The following LRRC52 variants were observed in gnomAD, a reference collection of about 807,000 sequenced individuals.
The protein encoded by LRRC52 is leucine-rich repeat-containing protein 52.
In LRRC52, 15 loss-of-function variants were observed where a neutral mutation model predicts 14.7. That is an observed-to-expected ratio of 1.02 (90% CI 0.68 to 1.58). The LOEUF (loss-of-function observed/expected upper bound fraction) is 1.58. Among genes scored for constraint, LRRC52 ranks in the 40% most tolerant of loss-of-function variants. The pLI is 0.00. For synonymous variants in LRRC52, 180 were observed against 163.9 expected, an observed-to-expected ratio of 1.10 and a Z score of -0.75; for missense variants, 400 against 387.7, an observed-to-expected ratio of 1.03 and a Z score of -0.27.
At chr1:165,547,469 A>G (rs1661046448) in intron 1 of LRRC52, among the ~76,000 whole-genome samples, 1 of 152,152 alleles carries the variant, frequency 6.6e-6, no homozygotes, top group African/African-American at 2.4e-5. Context: ...TTGCAAACCC[A>G]GGTTTCACCC....
chr1:165,561,711 G>T (rs772581888), intron 1 of LRRC52, among the ~76,000 whole-genome samples: 2 of 152,190 alleles, frequency 1.3e-5, no homozygotes, highest in Non-Finnish European at 2.9e-5. Flanking sequence ...GACACAGTTC[G>T]TGCACTGGCT....
chr1:165,562,239 A>G (rs901791710), intron 1 of LRRC52, among the ~76,000 whole-genome samples: 2 of 152,234 alleles, frequency 1.3e-5, no homozygotes, highest in African/African-American at 4.8e-5. Flanking sequence ...TATTATGTGC[A>G]TCAAGGTTAT....
chr1:165,544,610 A>C lies in LRRC52; in HGVS notation c.314A>C (p.Tyr105Ser), dbSNP rs756599761. 1 of 1,613,044 alleles carries C rather than the reference A, an allele frequency of 6.2e-7. No individual in the cohort carries two copies. Among genetic ancestry groups the C allele is most frequent in the Non-Finnish European group, 8.5e-7 (1 of 1,179,850 alleles). The change falls in exon 1 of 2, where the codon TAC becomes TCC. Residue 105 changes from tyrosine (Y) to serine (S), a missense_variant. Coordinates refer to ENST00000294818, the MANE Select transcript of LRRC52 (RefSeq NM_001005214.4). The stretch of plus-strand genomic sequence containing the variant: ...TTCATCGGGGTCTTCAAACTCATCT[A>C]CCTTGACCTCAGCTCCAACAACCTA... ...YTFIGVFKLI[Y>S]LDLSSNNLTS...
In LRRC52 at chr1:165,559,449, G is replaced by A. The variant is rs12084157; in HGVS notation, c.623-4056G>A. ...ACTATATGGAGCAGACCAATGCACA[G>A]TAAAAACTGGTAATTTTAAATAATT... On this transcript the variant is annotated intron_variant, in intron 1 of 1. Coordinates refer to ENST00000294818, the MANE Select transcript of LRRC52 (RefSeq NM_001005214.4). 2.2e-3 allele frequency among the ~76,000 whole-genome samples: 333 copies of A among 152,186 alleles called. 10 individuals carry two copies. The East Asian group carries it at 0.054, about 25-fold the overall frequency.
chr1:165,554,918 C>T (rs1465647189), intron 1 of LRRC52, among the ~76,000 whole-genome samples: 1 of 152,224 alleles, frequency 6.6e-6, no homozygotes, highest in East Asian at 1.9e-4. Context: ...CAGCATTTGG[C>T]TGAGATGAGG....
rs188955751 is a variant in LRRC52, at chr1:165,553,812, T to A, written c.622+8894T>A. On this transcript the variant is annotated intron_variant, in intron 1 of 1. Transcript: ENST00000294818. ...GGACAAATACAATTGAGGGGCCCAA[T>A]TGGTGCCTGTATTTCTCTTTCAGTG... is the stretch of plus-strand genomic sequence containing the variant. 3.7e-3 allele frequency among the ~76,000 whole-genome samples: 567 copies of A among 152,276 alleles called. 1 individual carries two copies. Among genetic ancestry groups the A allele is most frequent in the Middle Eastern group, 6.8e-3 (2 of 294 alleles).
chr1:165,557,556 G>C (rs169557), intron 1 of LRRC52, among the ~76,000 whole-genome samples: 114,865 of 152,134 alleles, frequency 0.76, 43,616 homozygotes, highest in East Asian at 0.87. Context: ...AAATTCTTAT[G>C]CTCATAGTAT....
chr1:165,556,587 C>T (rs1661239513), intron 1 of LRRC52, among the ~76,000 whole-genome samples: 1 of 152,186 alleles, frequency 6.6e-6, no homozygotes, highest in African/African-American at 2.4e-5. Flanking sequence ...GTGAAGGCAG[C>T]ATTAGAAAAT....
At chr1:165,553,268 C>G (rs774459462) in intron 1 of LRRC52, among the ~76,000 whole-genome samples, 37 of 152,148 alleles carry the variant, frequency 2.4e-4, no homozygotes, top group Admixed American at 2.1e-3. Context: ...GAAATTAGAA[C>G]AGGATAAATT....
chr1:165,550,847 C>T (rs1037628744), intron 1 of LRRC52, among the ~76,000 whole-genome samples: 2 of 152,106 alleles, frequency 1.3e-5, no homozygotes, highest in African/African-American at 4.8e-5. Flanking sequence ...GTCTTGATCC[C>T]AGAAATGCCA....
chr1:165,544,268 T>C lies in LRRC52; in HGVS notation c.-29T>C. ...TCAGAGGACAGAGCCCGCAGGAAGG[T>C]GAAAGGAGGGTGGTTGTGGCTTCTT... On this transcript the variant is annotated 5_prime_UTR_variant, in exon 1 of 2. Coordinates refer to ENST00000294818, the MANE Select transcript of LRRC52 (RefSeq NM_001005214.4). 1.6e-6 allele frequency: 2 copies of C among 1,228,992 alleles called. No individual in the cohort carries two copies. Among genetic ancestry groups the C allele is most frequent in the Non-Finnish European group, 2.1e-6 (2 of 956,160 alleles). The allele number at this position is 1,228,992 out of a possible 1,614,324, so 76.1% of individuals were successfully genotyped here.
At position 165,547,108 on chromosome 1, in the gene LRRC52, T is replaced by A. The variant is rs74120739; in HGVS notation, c.622+2190T>A. Among the ~76,000 whole-genome samples the A allele has an allele frequency of 6.5e-3, 984 of 152,046 alleles. 2 individuals are homozygous for A. The highest frequency in any genetic ancestry group is 0.022 in the African/African-American group (920 of 41,468). On this transcript the variant is annotated intron_variant, in intron 1 of 1. Coordinates refer to ENST00000294818, the MANE Select transcript of LRRC52 (RefSeq NM_001005214.4). ...CTTGTGCCCTCAGCCTGTGGAAGAG[T>A]CTAGGATTGGTATTTTTAACCCTAT...
At chr1:165,561,639 C>T (rs1329787078) in intron 1 of LRRC52, among the ~76,000 whole-genome samples, 1 of 152,270 alleles carries the variant, frequency 6.6e-6, no homozygotes, top group African/African-American at 2.4e-5. Flanking sequence ...CACCATCCCA[C>T]ACTGTCTAGA....
chr1:165,563,230 G>C (rs964687142), intron 1 of LRRC52, among the ~76,000 whole-genome samples: 4 of 152,136 alleles, frequency 2.6e-5, no homozygotes, highest in African/African-American at 9.7e-5. Flanking sequence ...CAAAGCCTGG[G>C]GACAAGGAAC....
intron 1 of LRRC52, among the ~76,000 whole-genome samples, chr1:165,561,791 A>G (rs563840221): frequency 6.6e-6 from 1 of 152,348 alleles, no homozygotes; most frequent in Admixed American, 6.5e-5. Flanking sequence ...CCTGAACAAA[A>G]CAAAATGACT....
rs74120737 is a variant in LRRC52, at chr1:165,546,514, T to C, written c.622+1596T>C. Among the ~76,000 whole-genome samples, 981 of 152,300 alleles carry C rather than the reference T, an allele frequency of 6.4e-3. 3 individuals carry two copies. The highest frequency in any genetic ancestry group is 0.022 in the African/African-American group (917 of 41,568). ...AGAGGTTCAATATTAATCATCCTCA[T>C]GCATGACCTGTGGTCCATAAAGGGG... On this transcript the variant is annotated intron_variant, in intron 1 of 1. Coordinates refer to ENST00000294818, the MANE Select transcript of LRRC52 (RefSeq NM_001005214.4).
intron 1 of LRRC52, among the ~76,000 whole-genome samples, chr1:165,557,975 G>A (rs1411928250): frequency 6.6e-6 from 1 of 152,190 alleles, no homozygotes; most frequent in Non-Finnish European, 1.5e-5. Flanking sequence ...CTGGGAACCT[G>A]CAGCACAGCC....
In LRRC52 at chr1:165,544,257, C is replaced by A; in HGVS notation, c.-40C>A. 1 of 1,583,718 alleles carries A rather than the reference C, an allele frequency of 6.3e-7. No homozygotes were observed. Among genetic ancestry groups the A allele is most frequent in the South Asian group, 1.2e-5 (1 of 85,498 alleles). ...CAGCCTTCGGATCAGAGGACAGAGC[C>A]CGCAGGAAGGTGAAAGGAGGGTGGT... is the stretch of plus-strand genomic sequence containing the variant. On this transcript the variant is annotated 5_prime_UTR_variant, in exon 1 of 2. Transcript: ENST00000294818.
chr1:165,544,301 C>T lies in LRRC52; in HGVS notation c.5C>T (p.Ser2Phe). Residue 2 changes from serine (S) to phenylalanine (F), a missense_variant, in exon 1 of 2, where the codon TCC becomes TTC. Transcript: ENST00000294818. ...GGGTGGTTGTGGCTTCTTACTATGT[C>T]CCTTGCTTCAGGCCCTGGCCCTGGG... M[S>F]LASGPGPGWL... 6.5e-7 allele frequency: 1 copy of T among 1,531,764 alleles called. No individual in the cohort carries two copies. Among genetic ancestry groups the T allele is most frequent in the Non-Finnish European group, 8.9e-7 (1 of 1,128,760 alleles). 94.9% of individuals were successfully genotyped at this position (1,531,764 alleles called of 1,614,324 possible). A position where few individuals can be genotyped will look rare whatever the true frequency, so the allele number is the denominator to read the frequency against.
Sources: gnomAD v4.1 joint callset for allele counts (sites outside exome capture counted in the v4.1 genomes callset) on GRCh38, gnomAD v4.1.1 for gene constraint, MANE v1.5 for transcripts, NCBI Gene and HGNC (gene_info 2026-07-23, HGNC 2026-07-21) for gene names.